SCAI: variants seen among roughly 807,000 people sequenced by gnomAD.
The protein encoded by SCAI is suppressor of cancer cell invasion, also known as protein SCAI.
In SCAI, 24 loss-of-function variants were observed where a neutral mutation model predicts 92.2. The ratio of observed to expected loss-of-function variants is 0.26; its 90% CI spans 0.19 to 0.37. The LOEUF (loss-of-function observed/expected upper bound fraction) is 0.37, where lower values mean the gene tolerates loss of function less well. Among genes scored for constraint, SCAI ranks in the 10% least tolerant of loss-of-function variants. The pLI is 1.00. For synonymous variants in SCAI, 261 were observed against 258.6 expected (o/e 1.01, Z -0.09); for missense variants, 450 against 736.2 (o/e 0.61, Z 4.50).
chr9:125,010,241 G>A (rs966897107), intron 9 of SCAI, among the ~76,000 whole-genome samples: 6 of 152,320 alleles, frequency 3.9e-5, no homozygotes, highest in South Asian at 2.1e-4. Flanking sequence ...TGCCTCACTC[G>A]GGAAGCGCAA....
chr9:124,954,968 C>G (rs1831291328), intron 17 of SCAI, among the ~76,000 whole-genome samples: 1 of 151,954 alleles, frequency 6.6e-6, no homozygotes, highest in Non-Finnish European at 1.5e-5. Flanking sequence ...GAATTTAAGA[C>G]CAGCCTGGCC....
intron 5 of SCAI, 140 bp downstream of exon 5, chr9:125,028,252 C>T (rs768627505): frequency 1.6e-4 from 87 of 542,186 alleles, no homozygotes; most frequent in Non-Finnish European, 2.4e-4. Context: ...TTGTCTTGAT[C>T]AATCTGGTCC....
At chr9:125,002,996 C>G (rs962124042) in intron 11 of SCAI, 118 bp downstream of exon 11, 2 of 638,408 alleles carry the variant, frequency 3.1e-6, no homozygotes, top group East Asian at 5.4e-5. Context: ...ACTCTAAAGG[C>G]AGTTTTTCAT....
chr9:125,046,966 T>A (rs1833455997), intron 3 of SCAI, among the ~76,000 whole-genome samples: 1 of 152,162 alleles, frequency 6.6e-6, no homozygotes, highest in African/African-American at 2.4e-5. Context: ...GGGGAAATGG[T>A]GACAGCATAG....
chr9:125,134,420 A>C (rs1835472051), intron 2 of SCAI, among the ~76,000 whole-genome samples: 1 of 152,316 alleles, frequency 6.6e-6, no homozygotes, highest in South Asian at 2.1e-4. Context: ...AAAGCATTCA[A>C]ATGTTTCTTA....
chr9:125,026,926 T>C lies in SCAI; in HGVS notation c.414-16A>G. The C allele has an allele frequency of 7.1e-7, 1 of 1,417,976 alleles. No homozygotes were observed. Among genetic ancestry groups the C allele is most frequent in the Non-Finnish European group, 9.9e-7 (1 of 1,010,598 alleles). The allele number at this position is 1,417,976 out of a possible 1,614,324, so 87.8% of individuals were successfully genotyped here. ...TGTGCGTAAGCTATGAGAAAAAATATATTTTTAAATATGACAGTGTCAGAG... is the reference window on the plus strand; with the variant it reads ...TGTGCGTAAGCTATGAGAAAAAATACATTTTTAAATATGACAGTGTCAGAG... On this transcript the variant is annotated splice_polypyrimidine_tract_variant and intron_variant, in intron 5 of 17. Coordinates refer to ENST00000336505, the MANE Select transcript of SCAI (RefSeq NM_001144877.3).
At chr9:125,001,267 A>C (rs745673110) in intron 12 of SCAI, among the ~76,000 whole-genome samples, 29 of 152,222 alleles carry the variant, frequency 1.9e-4, no homozygotes, top group Non-Finnish European at 4.0e-4. Context: ...ATTTCAACAA[A>C]CAAATGAAGA....
intron 1 of SCAI, 104 bp from the exon 2 acceptor site, chr9:125,142,781 C>T (rs1835698712): frequency 2.1e-6 from 2 of 947,250 alleles, no homozygotes; most frequent in Non-Finnish European, 3.4e-6. Context: ...CCTCTGGGAC[C>T]ACAGGCTCGC....
chr9:125,122,939 C>G (rs1835186694), intron 2 of SCAI, among the ~76,000 whole-genome samples: 1 of 152,102 alleles, frequency 6.6e-6, no homozygotes, highest in Non-Finnish European at 1.5e-5. Flanking sequence ...TTTTAAAAAC[C>G]TGTTTTGGAC....
chr9:125,024,208 A>C (rs1468727947), intron 6 of SCAI, among the ~76,000 whole-genome samples: 1 of 152,006 alleles, frequency 6.6e-6, no homozygotes, highest in East Asian at 1.9e-4. Context: ...CAACGTCAAC[A>C]TAAGTGGTGA....
chr9:125,062,186 C>T (rs977146394), intron 2 of SCAI, among the ~76,000 whole-genome samples: 6 of 151,122 alleles, frequency 4.0e-5, no homozygotes, highest in African/African-American at 1.2e-4. Flanking sequence ...TGTGCAGTGG[C>T]GTGATCATGG....
At position 124,943,236 on chromosome 9, in the gene SCAI, G is replaced by T. The variant is rs944136421; in HGVS notation, c.*9571C>A. On this transcript the variant is annotated 3_prime_UTR_variant, in exon 18 of 18. Transcript: ENST00000336505. ...ATAATTTTCCCCTTAGTCATTGGTA[G>T]TAAATAGCCCCTTCAAAATTTATTC... is the stretch of plus-strand genomic sequence containing the variant. 1 of 152,192 alleles carries T rather than the reference G, an allele frequency of 6.6e-6. No homozygotes were observed. Among genetic ancestry groups the T allele is most frequent in the Non-Finnish European group, 1.5e-5 (1 of 68,028 alleles). 9.4% of individuals were successfully genotyped at this position (152,192 alleles called of 1,614,324 possible).
At chr9:125,028,309 A>G in intron 5 of SCAI, 83 bp downstream of exon 5, 1 of 739,428 alleles carries the variant, frequency 1.4e-6, no homozygotes, top group East Asian at 2.9e-5. Context: ...ATGCCTAGCA[A>G]TGAGTATACT....
chr9:124,991,345 C>G (rs1431490097), intron 14 of SCAI, among the ~76,000 whole-genome samples: 3 of 98,454 alleles, frequency 3.0e-5, no homozygotes, highest in African/African-American at 3.9e-5. Context: ...GAGCAAAACT[C>G]CGTCTCAAAA....
At chr9:124,978,085 C>T (rs1252277622) in intron 14 of SCAI, among the ~76,000 whole-genome samples, 1 of 152,012 alleles carries the variant, frequency 6.6e-6, no homozygotes, top group African/African-American at 2.4e-5. Flanking sequence ...AATCAAAAGT[C>T]AAATAATGAA....
intron 2 of SCAI, among the ~76,000 whole-genome samples, chr9:125,079,936 A>C (rs1357466692): frequency 6.6e-6 from 1 of 152,212 alleles, no homozygotes; most frequent in African/African-American, 2.4e-5. Flanking sequence ...TTACTCCTTG[A>C]ATTACAGCAA....
chr9:125,076,708 C>T (rs1004263859), intron 2 of SCAI, among the ~76,000 whole-genome samples: 20 of 148,734 alleles, frequency 1.3e-4, no homozygotes, highest in Admixed American at 3.4e-4. Flanking sequence ...TTTTTCCTTT[C>T]TTTTTTTTTT....
chr9:125,134,743 C>A (rs1256466532), intron 2 of SCAI, among the ~76,000 whole-genome samples: 1 of 152,226 alleles, frequency 6.6e-6, no homozygotes, highest in Non-Finnish European at 1.5e-5. Context: ...ATGGCACGAT[C>A]TCGGCTCTCT....
At chr9:125,062,456 A>G (rs946799455) in intron 2 of SCAI, among the ~76,000 whole-genome samples, 12 of 151,026 alleles carry the variant, frequency 7.9e-5, no homozygotes, top group East Asian at 3.9e-4. Flanking sequence ...AAAAAAAAAA[A>G]AAAAGAAAAG....
Sources: gnomAD v4.1 joint callset for allele counts (sites outside exome capture counted in the v4.1 genomes callset) on GRCh38, gnomAD v4.1.1 for gene constraint, MANE v1.5 for transcripts, NCBI Gene and HGNC (gene_info 2026-07-23, HGNC 2026-07-21) for gene names.